Variants in TRPM3 observed in about 807,000 individuals in gnomAD.
The protein encoded by TRPM3 is transient receptor potential cation channel subfamily M member 3.
TRPM3 carries 77 observed loss-of-function variants against 181.2 expected under a neutral mutation model. The ratio of observed to expected loss-of-function variants is 0.42; its 90% CI spans 0.35 to 0.51. The LOEUF is 0.51. Ranked by LOEUF, TRPM3 falls within the 20% of genes least tolerant of loss-of-function variation. TRPM3 has a pLI of 0.01. For missense variants in TRPM3, 1,759 were observed against 2,196.7 expected, an observed-to-expected ratio of 0.80 and a Z score of 3.98; for synonymous variants, 745 against 796.4, an observed-to-expected ratio of 0.94 and a Z score of 1.09.
intron 5 of TRPM3, among the ~76,000 whole-genome samples, chr9:70,834,979 G>A (rs73467832): frequency 0.016 from 2,473 of 152,308 alleles, 76 homozygotes; most frequent in African/African-American, 0.057. Flanking sequence ...GGGTCATGGG[G>A]TAGATCCTTC....
At chr9:71,198,416 T>C (rs1022504503) in intron 1 of TRPM3, among the ~76,000 whole-genome samples, 5 of 152,240 alleles carry the variant, frequency 3.3e-5, no homozygotes, top group African/African-American at 1.2e-4. Context: ...AAGAAAGTCA[T>C]TGGTAGCTTC....
At chr9:70,610,833 G>T in intron 18 of TRPM3, 84 bp from the exon 19 acceptor site, 1 of 1,525,732 alleles carries the variant, frequency 6.6e-7, no homozygotes, top group South Asian at 1.2e-5. Context: ...GATGAGGAAA[G>T]GATGCTCATA....
At chr9:71,372,507 GGTTGTT>G (rs112619939) in intron 1 of TRPM3, among the ~76,000 whole-genome samples, 4 of 152,024 alleles carry the variant, frequency 2.6e-5, no homozygotes, top group South Asian at 4.2e-4. Flanking sequence ...TTTGGCTTTT[GGTTGTT>G]GTTGTTGTTG....
chr9:70,776,602 G>C, intron 7 of TRPM3: 1 of 543,760 alleles, frequency 1.8e-6, no homozygotes, highest in Non-Finnish European at 3.2e-6. Flanking sequence ...GTCAAAATGA[G>C]TATTTTTATG....
intron 6 of TRPM3, chr9:70,826,972 G>A (rs1306137275): frequency 1.3e-5 from 2 of 152,222 alleles, no homozygotes; most frequent in Non-Finnish European, 2.9e-5. Flanking sequence ...GAGCATTGCT[G>A]TTTTGATGAT....
At chr9:71,150,532 T>C (rs541522199) in intron 1 of TRPM3, among the ~76,000 whole-genome samples, 123 of 152,238 alleles carry the variant, frequency 8.1e-4, no homozygotes, top group African/African-American at 2.8e-3. Flanking sequence ...ATTTGAAAAT[T>C]TGAAATTACA....
chr9:70,864,513 T>TAAA lies in TRPM3; in HGVS notation c.178-3_178-2insTTT. 4.5e-6 allele frequency: 4 copies of TAAA among 887,102 alleles called. No homozygotes were observed. Among genetic ancestry groups the TAAA allele is most frequent in the Non-Finnish European group, 4.3e-6 (3 of 702,626 alleles). 55.0% of individuals were successfully genotyped at this position (887,102 alleles called of 1,614,324 possible). Reference sequence around the variant, plus strand: ...TCTTTCTATCCAGGATTTCTGAGCCTGAAAAAGAAAACAAAAAAAAAAAAA... The same window carrying TAAA: ...TCTTTCTATCCAGGATTTCTGAGCCTAAAGAAAAAGAAAACAAAAAAAAAAAAA... On this transcript the variant is annotated splice_region_variant and splice_polypyrimidine_tract_variant and intron_variant, in intron 1 of 25. Transcript: ENST00000677713.
intron 1 of TRPM3, among the ~76,000 whole-genome samples, chr9:70,895,652 C>T (rs1216086002): frequency 6.6e-6 from 1 of 151,992 alleles, no homozygotes; most frequent in Admixed American, 6.6e-5. Context: ...TTAGAAATAC[C>T]ATTTTCAATG....
chr9:70,887,787 T>C (rs1283270885), intron 1 of TRPM3, among the ~76,000 whole-genome samples: 1 of 152,188 alleles, frequency 6.6e-6, no homozygotes, highest in Non-Finnish European at 1.5e-5. Flanking sequence ...TTTACCTCTA[T>C]GTACATAAAT....
intron 1 of TRPM3, among the ~76,000 whole-genome samples, chr9:71,398,619 C>T (rs2018253): frequency 0.034 from 5,121 of 152,220 alleles, 170 homozygotes; most frequent in African/African-American, 0.091. Flanking sequence ...GCTTATTTCC[C>T]CTTTGCCTTC....
chr9:70,956,560 T>C (rs907686566), intron 1 of TRPM3, among the ~76,000 whole-genome samples: 4 of 152,098 alleles, frequency 2.6e-5, no homozygotes, highest in Non-Finnish European at 5.9e-5. Context: ...TATCCAAATG[T>C]ATAAAGGTCT....
chr9:70,955,394 C>T (rs2133750023), intron 1 of TRPM3, among the ~76,000 whole-genome samples: 1 of 152,288 alleles, frequency 6.6e-6, no homozygotes, highest in South Asian at 2.1e-4. Flanking sequence ...ATGTTCCTGT[C>T]TTCAGATATC....
intron 1 of TRPM3, among the ~76,000 whole-genome samples, chr9:71,029,058 T>C (rs1029927463): frequency 1.2e-4 from 18 of 152,040 alleles, no homozygotes; most frequent in African/African-American, 2.7e-4. Context: ...ATGTAAAAAA[T>C]TGAAATTATA....
At chr9:71,342,119 T>G (rs945532730) in intron 1 of TRPM3, among the ~76,000 whole-genome samples, 30 of 151,338 alleles carry the variant, frequency 2.0e-4, no homozygotes, top group Non-Finnish European at 3.0e-4. Context: ...AAGATTATGT[T>G]GGCCAGGCTG....
At chr9:71,088,724 T>C (rs2133868038) in intron 1 of TRPM3, among the ~76,000 whole-genome samples, 1 of 152,188 alleles carries the variant, frequency 6.6e-6, no homozygotes, top group East Asian at 1.9e-4. Context: ...TATGTGGATA[T>C]ACATGAGGTC....
chr9:71,089,774 A>G (rs2065900105), intron 1 of TRPM3, among the ~76,000 whole-genome samples: 1 of 152,102 alleles, frequency 6.6e-6, no homozygotes, highest in Non-Finnish European at 1.5e-5. Flanking sequence ...CACTCAGCGG[A>G]TGTCCTGAGC....
At chr9:70,822,758 CTTGTGTGTGTGTGTGTGT>C (rs1564454038) in intron 6 of TRPM3, among the ~76,000 whole-genome samples, 1 of 74,298 alleles carries the variant, frequency 1.3e-5, no homozygotes, top group East Asian at 4.3e-4. Context: ...AAAGATTTGT[CTTGTGTGTGTGTGTGTGT>C]GTGTGTGTGT....
At chr9:71,077,510 A>G (rs2063634056) in intron 1 of TRPM3, among the ~76,000 whole-genome samples, 2 of 152,202 alleles carry the variant, frequency 1.3e-5, no homozygotes, top group Admixed American at 1.3e-4. Flanking sequence ...TCTTCCAGGA[A>G]ACAGTGGGTG....
At chr9:70,992,886 T>C (rs890391330) in intron 1 of TRPM3, among the ~76,000 whole-genome samples, 3 of 152,154 alleles carry the variant, frequency 2.0e-5, no homozygotes, top group African/African-American at 4.8e-5. Context: ...GTCGGGAAGG[T>C]ATTACCTTCC....
Sources: allele counts gnomAD v4.1 joint callset (sites outside exome capture counted in the v4.1 genomes callset), GRCh38; gene constraint gnomAD v4.1.1; transcripts MANE v1.5; gene names NCBI Gene and HGNC (gene_info 2026-07-23, HGNC 2026-07-21).